KHDRBS2: variants seen among roughly 807,000 people sequenced by gnomAD.
KHDRBS2 encodes the protein KH domain-containing, RNA-binding, signal transduction-associated protein 2.
Under a neutral mutation model 44.3 loss-of-function variants are expected in KHDRBS2, and 26 were observed. The observed-to-expected ratio is 0.59, with a 90% CI of 0.43 to 0.81. The LOEUF (loss-of-function observed/expected upper bound fraction) is 0.81. Among genes scored for constraint, KHDRBS2 ranks in the 40% least tolerant of loss-of-function variants. KHDRBS2 has a pLI of 0.00. For missense variants in KHDRBS2, 476 were observed against 433.1 expected, an observed-to-expected ratio of 1.10 and a Z score of -0.88; for synonymous variants, 194 against 151.1, an observed-to-expected ratio of 1.28 and a Z score of -2.08.
At chr6:62,258,638 C>T (rs1313718733) in intron 1 of KHDRBS2, among the ~76,000 whole-genome samples, 1 of 151,868 alleles carries the variant, frequency 6.6e-6, no homozygotes, top group Non-Finnish European at 1.5e-5. Flanking sequence ...AACATTCAGG[C>T]TATGTGTATA....
chr6:62,239,874 C>T (rs929437050), intron 1 of KHDRBS2, among the ~76,000 whole-genome samples: 5 of 151,936 alleles, frequency 3.3e-5, no homozygotes, highest in African/African-American at 1.2e-4. Flanking sequence ...TTATTAGAGG[C>T]AGGTTTCACC....
chr6:61,686,755 C>G (rs1044160124), intron 8 of KHDRBS2, among the ~76,000 whole-genome samples: 1 of 151,532 alleles, frequency 6.6e-6, no homozygotes, highest in African/African-American at 2.4e-5. Flanking sequence ...CTAAATGTCT[C>G]ACTATCTATT....
At chr6:61,695,256 A>C (rs1185239071) in intron 8 of KHDRBS2, among the ~76,000 whole-genome samples, 1 of 151,784 alleles carries the variant, frequency 6.6e-6, no homozygotes, top group Non-Finnish European at 1.5e-5. Context: ...CCCCCAAATA[A>C]TCAGACACAC....
chr6:61,667,890 T>C, the KHDRBS2 span, among the ~76,000 whole-genome samples: 1 of 151,226 alleles, frequency 6.6e-6, no homozygotes, highest in Non-Finnish European at 1.5e-5. Context: ...GAATATTACT[T>C]AAAATATTCA....
chr6:61,872,798 A>G (rs1160913013), intron 6 of KHDRBS2, among the ~76,000 whole-genome samples: 1 of 152,180 alleles, frequency 6.6e-6, no homozygotes, highest in Non-Finnish European at 1.5e-5. Flanking sequence ...AGATTCAATT[A>G]AAAAGATATG....
At chr6:62,228,634 T>C (rs1224935572) in intron 1 of KHDRBS2, among the ~76,000 whole-genome samples, 1 of 152,194 alleles carries the variant, frequency 6.6e-6, no homozygotes. Context: ...ATGCTGTTGA[T>C]TTGAGGTCTT....
chr6:62,094,640 C>T (rs1800179044), intron 2 of KHDRBS2, among the ~76,000 whole-genome samples: 1 of 151,982 alleles, frequency 6.6e-6, no homozygotes, highest in South Asian at 2.1e-4. Flanking sequence ...CCTGCCTAGG[C>T]CAATGTCATG....
chr6:61,951,836 A>AT (rs1040207353), intron 4 of KHDRBS2, among the ~76,000 whole-genome samples: 91 of 151,558 alleles, frequency 6.0e-4, no homozygotes, highest in East Asian at 2.3e-3. Flanking sequence ...TCTTGTTGAG[A>AT]TTTTTTTTTA....
At chr6:62,156,525 G>T (rs758859070) in intron 2 of KHDRBS2, among the ~76,000 whole-genome samples, 3 of 151,938 alleles carry the variant, frequency 2.0e-5, no homozygotes, top group Non-Finnish European at 2.9e-5. Context: ...TGTACAATGG[G>T]GAATATTTTT....
At chr6:61,543,258 T>C in the KHDRBS2 span, among the ~76,000 whole-genome samples, 1 of 151,902 alleles carries the variant, frequency 6.6e-6, no homozygotes, top group East Asian at 1.9e-4. Context: ...AAAAAAACTC[T>C]ACAGGAAAAA....
intron 4 of KHDRBS2, among the ~76,000 whole-genome samples, chr6:61,956,326 C>T (rs934356712): frequency 6.6e-6 from 1 of 152,144 alleles, no homozygotes; most frequent in African/African-American, 2.4e-5. Flanking sequence ...TTTCTGTGCA[C>T]CATCAACTAG....
chr6:61,732,866 T>G, intron 6 of KHDRBS2, 102 bp from the exon 7 acceptor site: 1 of 713,706 alleles, frequency 1.4e-6, no homozygotes, highest in South Asian at 1.6e-5. Context: ...GGTTTAGATT[T>G]CATGTTGGGT....
chr6:62,103,116 GC>G (rs1802282364), intron 2 of KHDRBS2, among the ~76,000 whole-genome samples: 1 of 152,028 alleles, frequency 6.6e-6, no homozygotes, highest in African/African-American at 2.4e-5. Context: ...CATCCAACCA[GC>G]CAAAAGGCAT....
chr6:61,884,171 A>G (rs552606208), intron 6 of KHDRBS2, among the ~76,000 whole-genome samples: 1 of 152,192 alleles, frequency 6.6e-6, no homozygotes, highest in African/African-American at 2.4e-5. Context: ...TGAATTTTCT[A>G]GTTCTCTCAT....
intron 1 of KHDRBS2, among the ~76,000 whole-genome samples, chr6:62,244,454 AG>A (rs752616230): frequency 6.6e-6 from 1 of 152,138 alleles, no homozygotes; most frequent in Non-Finnish European, 1.5e-5. Flanking sequence ...GAGAAGTGAG[AG>A]AAGAGTAACA....
At chr6:61,584,747 T>C in the KHDRBS2 span, among the ~76,000 whole-genome samples, 1 of 151,892 alleles carries the variant, frequency 6.6e-6, no homozygotes, top group Non-Finnish European at 1.5e-5. Context: ...TCTAGGCTTA[T>C]TTATTGACCC....
chr6:61,853,033 T>A (rs542816829), intron 6 of KHDRBS2, among the ~76,000 whole-genome samples: 1 of 152,312 alleles, frequency 6.6e-6, no homozygotes, highest in Non-Finnish European at 1.5e-5. Flanking sequence ...GGGATACTGA[T>A]CTGTTGCCAT....
At chr6:61,748,081 C>A in intron 6 of KHDRBS2, among the ~76,000 whole-genome samples, 1 of 152,154 alleles carries the variant, frequency 6.6e-6, no homozygotes, top group South Asian at 2.1e-4. Flanking sequence ...ACCTCTGCCT[C>A]TTGGGTTCAA....
chr6:62,083,387 C>A (rs1426378321), intron 2 of KHDRBS2, among the ~76,000 whole-genome samples: 1 of 151,912 alleles, frequency 6.6e-6, no homozygotes, highest in Non-Finnish European at 1.5e-5. Context: ...AAATCTTCTG[C>A]ATTTACCATC....
Sources: gnomAD v4.1 joint callset for allele counts (sites outside exome capture counted in the v4.1 genomes callset) on GRCh38, gnomAD v4.1.1 for gene constraint, MANE v1.5 for transcripts, NCBI Gene and HGNC (gene_info 2026-07-23, HGNC 2026-07-21) for gene names.